The following PSME4 variants were observed in gnomAD, a reference collection of about 807,000 sequenced individuals.
The protein encoded by PSME4 is proteasome activator subunit 4, also known as proteasome activator complex subunit 4.
A neutral mutation model predicts 253.9 loss-of-function variants in PSME4; 89 were observed. The ratio of observed to expected loss-of-function variants is 0.35; its 90% CI spans 0.30 to 0.42. PSME4 has a LOEUF of 0.42. Among genes scored for constraint, PSME4 ranks in the 10% least tolerant of loss-of-function variants. The pLI, the probability that PSME4 is intolerant of heterozygous loss-of-function variation, is 1.00. For synonymous variants in PSME4, 851 were observed against 759.2 expected (o/e 1.12, Z -1.99); for missense variants, 2,014 against 2,195.2 (o/e 0.92, Z 1.65).
In PSME4 at chr2:53,923,110, T is replaced by C. The variant is rs1668397181; in HGVS notation, c.1917A>G (p.Pro639=). Residue 639 remains proline (P), a synonymous_variant, in exon 16 of 47, where the codon CCA becomes CCG. Coordinates refer to ENST00000404125, the MANE Select transcript of PSME4 (RefSeq NM_014614.3). ...DMCRAAVKCC[P]EESLKLFVPH... ...GAACAAAGAGCTTCAAAGATTCTTC[T>C]GGGCAGCACTGAAAATGTATTTGTA... The C allele has an allele frequency of 6.2e-7, 1 of 1,605,968 alleles. No individual in the cohort carries two copies.
At chr2:53,890,842 C>T (rs1481201538) in intron 36 of PSME4, among the ~76,000 whole-genome samples, 2 of 152,092 alleles carry the variant, frequency 1.3e-5, no homozygotes, top group Non-Finnish European at 2.9e-5. Context: ...AAGCTGGTCA[C>T]ATGGCGAAAC....
chr2:53,910,172 A>G lies in PSME4; in HGVS notation c.2517-42T>C, dbSNP rs1667767076. On this transcript the variant is annotated intron_variant, in intron 20 of 46. Transcript: ENST00000404125. Reference sequence around the variant, plus strand: ...GTGCTTGCATTTATTAATAATACCAATATGAAGTATTAAAGGGAAAAGTTT... The same window carrying G: ...GTGCTTGCATTTATTAATAATACCAGTATGAAGTATTAAAGGGAAAAGTTT... 2.7e-6 allele frequency: 4 copies of G among 1,485,306 alleles called. No individual in the cohort carries two copies. In the East Asian group the frequency reaches 6.8e-5, roughly 25 times the overall value. The allele number at this position is 1,485,306 out of a possible 1,614,324, so 92.0% of individuals were successfully genotyped here. A position where few individuals can be genotyped will look rare whatever the true frequency, so the allele number is the denominator to read the frequency against.
chr2:53,902,640 A>G (rs1218173021), intron 27 of PSME4, among the ~76,000 whole-genome samples: 1 of 152,210 alleles, frequency 6.6e-6, no homozygotes, highest in South Asian at 2.1e-4. Flanking sequence ...TCAATGAGTC[A>G]AACCTACAAC....
rs903402959 is a variant in PSME4, at chr2:53,874,328, T to G, written c.5100+11A>C. On this transcript the variant is annotated intron_variant, in intron 43 of 46. Transcript: ENST00000404125. ...TGACTGAATTTCCGTTTTCTATAAC[T>G]TAAATTTTACCTCCAGTTGTTCGTC... 10 of 1,602,954 alleles carry G rather than the reference T, an allele frequency of 6.2e-6. No individual in the cohort carries two copies. Among genetic ancestry groups the G allele is most frequent in the South Asian group, 1.1e-5 (1 of 89,112 alleles).
intron 1 of PSME4, among the ~76,000 whole-genome samples, chr2:53,957,746 AC>A (rs1670300620): frequency 6.6e-6 from 1 of 152,194 alleles, no homozygotes; most frequent in African/African-American, 2.4e-5. Context: ...TAAAATGGCT[AC>A]TAATATCATC....
intron 1 of PSME4, among the ~76,000 whole-genome samples, chr2:53,955,816 G>GGA (rs1409409127): frequency 1.3e-5 from 2 of 152,094 alleles, no homozygotes; most frequent in Non-Finnish European, 2.9e-5. Context: ...CAGTAACTCA[G>GGA]GAGGCTGAGG....
intron 11 of PSME4, 62 bp from the exon 12 acceptor site, chr2:53,927,545 C>A (rs1668614390): frequency 3.7e-5 from 42 of 1,130,384 alleles, no homozygotes; most frequent in South Asian, 1.1e-4. Context: ...TACAAGTATA[C>A]CATGAACTAC....
chr2:53,931,735 C>T (rs534758677), intron 10 of PSME4, 100 bp downstream of exon 10: 94 of 1,308,532 alleles, frequency 7.2e-5, no homozygotes, highest in Non-Finnish European at 9.1e-5. Flanking sequence ...GAATAAGCAT[C>T]GAAGAAGCAA....
chr2:53,887,537 T>C (rs1679696478), intron 39 of PSME4, 70 bp from the exon 40 acceptor site: 17 of 1,369,654 alleles, frequency 1.2e-5, no homozygotes, highest in Non-Finnish European at 1.7e-5. Context: ...TCAAAAGTTA[T>C]GACCCAATCA....
At chr2:53,949,067 A>T in intron 2 of PSME4, 76 bp downstream of exon 2, 1 of 1,431,276 alleles carries the variant, frequency 7.0e-7, no homozygotes, top group East Asian at 2.5e-5. Context: ...TTCTTACCAA[A>T]AACACTTAGT....
chr2:53,910,173 T>C lies in PSME4; in HGVS notation c.2517-43A>G, dbSNP rs755097037. 6 of 1,482,150 alleles carry C rather than the reference T, an allele frequency of 4.0e-6. No homozygotes were observed. The South Asian group carries it at 4.5e-5, about 11-fold the overall frequency. The allele number at this position is 1,482,150 out of a possible 1,614,324, so 91.8% of individuals were successfully genotyped here. Reference sequence around the variant, plus strand: ...TGCTTGCATTTATTAATAATACCAATATGAAGTATTAAAGGGAAAAGTTTC... The same window carrying C: ...TGCTTGCATTTATTAATAATACCAACATGAAGTATTAAAGGGAAAAGTTTC... On this transcript the variant is annotated intron_variant, in intron 20 of 46. Transcript: ENST00000404125.
chr2:53,965,547 G>T (rs1428030238), intron 1 of PSME4, among the ~76,000 whole-genome samples: 5 of 137,936 alleles, frequency 3.6e-5, no homozygotes, highest in Admixed American at 3.6e-4. Flanking sequence ...AGTATGTTGT[G>T]GAGCCCTGAG....
intron 21 of PSME4, 25 bp downstream of exon 21, chr2:53,910,050 T>C (rs1285911904): frequency 1.3e-6 from 2 of 1,556,798 alleles, no homozygotes; most frequent in Admixed American, 1.7e-5. Flanking sequence ...TCCACACAGA[T>C]TTACTCAGAT....
At chr2:53,882,073 A>C (rs901670725) in intron 41 of PSME4, among the ~76,000 whole-genome samples, 2 of 152,022 alleles carry the variant, frequency 1.3e-5, no homozygotes, top group African/African-American at 4.8e-5. Context: ...TTTTATGGAT[A>C]TAAAACTGCT....
chr2:53,883,741 T>C (rs1418210797), intron 41 of PSME4, among the ~76,000 whole-genome samples: 1 of 147,644 alleles, frequency 6.8e-6, no homozygotes, highest in Admixed American at 6.6e-5. Context: ...TCAATTCTTA[T>C]ACTTCTTTTT....
chr2:53,893,180 C>G (rs938872906), intron 35 of PSME4, among the ~76,000 whole-genome samples: 1 of 152,084 alleles, frequency 6.6e-6, no homozygotes, highest in Non-Finnish European at 1.5e-5. Context: ...AATAATCTCT[C>G]TAAGTATCAC....
At chr2:53,932,830 A>C (rs1668905118) in intron 8 of PSME4, 70 bp from the exon 9 acceptor site, 1 of 1,178,020 alleles carries the variant, frequency 8.5e-7, no homozygotes, top group Non-Finnish European at 1.3e-6. Flanking sequence ...AACAGGCCCA[A>C]GCCTATACGT....
chr2:53,937,696 A>G (rs532359729), intron 4 of PSME4, among the ~76,000 whole-genome samples, 156 bp from the exon 5 acceptor site: 1 of 152,288 alleles, frequency 6.6e-6, no homozygotes, highest in African/African-American at 2.4e-5. Context: ...ACATTTTCAC[A>G]ATACTAAAAT....
intron 41 of PSME4, among the ~76,000 whole-genome samples, chr2:53,884,890 CT>C (rs1411503090): frequency 6.6e-6 from 1 of 152,158 alleles, no homozygotes; most frequent in Non-Finnish European, 1.5e-5. Context: ...TTGAAAGTTA[CT>C]GGTACAGTTA....
Sources: gnomAD v4.1 joint callset for allele counts (sites outside exome capture counted in the v4.1 genomes callset) on GRCh38, gnomAD v4.1.1 for gene constraint, MANE v1.5 for transcripts, NCBI Gene and HGNC (gene_info 2026-07-23, HGNC 2026-07-21) for gene names.